Variants in CREBBP observed in about 807,000 individuals in gnomAD.
CREBBP encodes the protein CREB-binding protein.
In CREBBP, 19 loss-of-function variants were observed where a neutral mutation model predicts 265.0. That is an observed-to-expected ratio of 0.07 (90% CI 0.05 to 0.11). The LOEUF (loss-of-function observed/expected upper bound fraction) is 0.11, where lower values mean the gene tolerates loss of function less well. Among genes scored for constraint, CREBBP ranks in the 10% least tolerant of loss-of-function variants. CREBBP has a pLI of 1.00. For synonymous variants in CREBBP, 1,457 were observed against 1,223.7 expected, an observed-to-expected ratio of 1.19 and a Z score of -3.98; for missense variants, 2,525 against 3,219.0, an observed-to-expected ratio of 0.78 and a Z score of 5.22.
intron 16 of CREBBP, among the ~76,000 whole-genome samples, chr16:3,760,391 GTTTTTTTTTTTTTTTTT>G (rs35861892): frequency 1.3e-5 from 1 of 75,944 alleles, no homozygotes; most frequent in African/African-American, 5.0e-5. Context: ...TCATGCCCAG[GTTTTTTTTTTTTTTTTT>G]TTTTTTTTTT....
chr16:3,733,738 T>A (rs1325365405), intron 28 of CREBBP, among the ~76,000 whole-genome samples: 1 of 151,976 alleles, frequency 6.6e-6, no homozygotes, highest in Non-Finnish European at 1.5e-5. Flanking sequence ...GCCTCCCGGG[T>A]TCAAGTGATT....
At chr16:3,836,981 G>C (rs1375716486) in intron 2 of CREBBP, among the ~76,000 whole-genome samples, 1 of 152,208 alleles carries the variant, frequency 6.6e-6, no homozygotes, top group Non-Finnish European at 1.5e-5. Context: ...ATTATGTATA[G>C]TACATAATAG....
intron 3 of CREBBP, among the ~76,000 whole-genome samples, chr16:3,806,968 C>T (rs1475024189): frequency 1.3e-5 from 2 of 152,178 alleles, no homozygotes; most frequent in East Asian, 1.9e-4. Context: ...TCTCTGATGG[C>T]TCCATCTAAA....
chr16:3,772,481 T>C (rs1177435530), intron 13 of CREBBP, among the ~76,000 whole-genome samples: 1 of 152,060 alleles, frequency 6.6e-6, no homozygotes, highest in African/African-American at 2.4e-5. Flanking sequence ...AGAGCAGGGG[T>C]TGGCAATCTC....
chr16:3,838,564 G>C (rs1455157227), intron 2 of CREBBP, among the ~76,000 whole-genome samples: 2 of 152,012 alleles, frequency 1.3e-5, no homozygotes, highest in African/African-American at 4.8e-5. Context: ...CTCCAACTTT[G>C]ACTTTAAAAA....
intron 30 of CREBBP, 128 bp from the exon 31 acceptor site, chr16:3,730,002 G>T: frequency 6.8e-7 from 1 of 1,472,242 alleles, no homozygotes; most frequent in Non-Finnish European, 9.2e-7. Flanking sequence ...AGGAGACCCA[G>T]ACAGGATGCG....
At chr16:3,831,288 C>G (rs1597018827) in intron 2 of CREBBP, among the ~76,000 whole-genome samples, 6 of 152,144 alleles carry the variant, frequency 3.9e-5, no homozygotes, top group Admixed American at 3.9e-4. Flanking sequence ...AAGAATAAAT[C>G]ACATGTAAAA....
At chr16:3,735,755 C>T (rs762041695) in intron 28 of CREBBP, among the ~76,000 whole-genome samples, 29 of 152,194 alleles carry the variant, frequency 1.9e-4, no homozygotes, top group African/African-American at 3.6e-4. Context: ...TTTACATCAG[C>T]GGGTTGTGTC....
At chr16:3,849,403 GT>G (rs370483145) in intron 2 of CREBBP, among the ~76,000 whole-genome samples, 4 of 4,318 alleles carry the variant, frequency 9.3e-4, no homozygotes, top group African/African-American at 1.1e-3. Context: ...GTGTGTGTGT[GT>G]GTGTGTGTGT....
chr16:3,847,239 T>C (rs2054686542), intron 2 of CREBBP, among the ~76,000 whole-genome samples: 1 of 152,232 alleles, frequency 6.6e-6, no homozygotes, highest in African/African-American at 2.4e-5. Context: ...ATTATGTATT[T>C]TAAATCTTTA....
chr16:3,727,355 CAAATAA>C lies in CREBBP; in HGVS notation c.*357_*362del, dbSNP rs1482298527. The C allele has an allele frequency of 1.1e-5, 3 of 268,964 alleles. No individual in the cohort carries two copies. The highest frequency in any genetic ancestry group is 1.4e-5 in the Non-Finnish European group (2 of 140,482). 16.7% of individuals were successfully genotyped at this position (268,964 alleles called of 1,614,324 possible). A position where few individuals can be genotyped will look rare whatever the true frequency, so the allele number is the denominator to read the frequency against. On this transcript the variant is annotated 3_prime_UTR_variant, in exon 31 of 31. Coordinates refer to ENST00000262367, the MANE Select transcript of CREBBP (RefSeq NM_004380.3). ...ATAAATGTTTAAAGTCTTGAAAATA[CAAATAA>C]AAAATATGAATATAATGAACTTGTT... is the stretch of plus-strand genomic sequence containing the variant.
In CREBBP at chr16:3,731,133, C is replaced by T. The variant is rs2151315438; in HGVS notation, c.5172+59G>A. ...CAACCCGGGCACCCATGCAAAGGGA[C>T]AGGATGCTTCGTCAGACCCCAGGCC... On this transcript the variant is annotated intron_variant, in intron 30 of 30. Coordinates refer to ENST00000262367, the MANE Select transcript of CREBBP (RefSeq NM_004380.3). The surrounding 1 kb of genome is among the most constrained non-coding windows in gnomAD (Gnocchi z 7.7). 1 of 1,571,618 alleles carries T rather than the reference C, an allele frequency of 6.4e-7. No individual in the cohort carries two copies.
chr16:3,799,661 G>A (rs529424697), intron 3 of CREBBP, among the ~76,000 whole-genome samples: 10 of 152,278 alleles, frequency 6.6e-5, no homozygotes, highest in African/African-American at 2.2e-4. Context: ...AATTCTAAAT[G>A]TCTATTAAAG....
intron 2 of CREBBP, among the ~76,000 whole-genome samples, chr16:3,835,869 C>T (rs1007937428): frequency 4.6e-5 from 7 of 151,558 alleles, no homozygotes; most frequent in Non-Finnish European, 7.4e-5. Context: ...TGTGAGCCAC[C>T]GCGCCCGGCA....
chr16:3,739,874 G>A (rs2052158894), intron 24 of CREBBP, 150 bp from the exon 25 acceptor site: 6 of 1,038,312 alleles, frequency 5.8e-6, no homozygotes, highest in South Asian at 4.0e-5. Flanking sequence ...CTCCCTATGG[G>A]CCAGTCAGCC....
intron 1 of CREBBP, among the ~76,000 whole-genome samples, chr16:3,868,185 G>A (rs1199706199): frequency 2.0e-5 from 3 of 152,144 alleles, no homozygotes; most frequent in African/African-American, 7.2e-5. Context: ...AAACAGACAG[G>A]AGGAAGAGTT....
intron 16 of CREBBP, chr16:3,761,532 T>C (rs546120860): frequency 1.7e-4 from 86 of 518,278 alleles, no homozygotes; most frequent in Non-Finnish European, 3.1e-4. Flanking sequence ...ACCAAGAACA[T>C]GCCTCAGGGC....
chr16:3,746,068 G>T (rs2052334947), intron 21 of CREBBP, among the ~76,000 whole-genome samples: 1 of 152,188 alleles, frequency 6.6e-6, no homozygotes. Context: ...TAAATGCCAA[G>T]ATGACATTTT....
At position 3,879,951 on chromosome 16, in the gene CREBBP, G is replaced by C; in HGVS notation, c.-35C>G. ...CTCGCGAAAACAGCCCCGGGCACGG[G>C]CGGCCGGGCCGGCGAGGGCCCGGAC... On this transcript the variant is annotated 5_prime_UTR_variant, in exon 1 of 31. Coordinates refer to ENST00000262367, the MANE Select transcript of CREBBP (RefSeq NM_004380.3). 6.3e-7 allele frequency: 1 copy of C among 1,595,526 alleles called. No individual in the cohort carries two copies. Among genetic ancestry groups the C allele is most frequent in the Non-Finnish European group, 8.5e-7 (1 of 1,170,600 alleles).
Sources: allele counts gnomAD v4.1 joint callset (sites outside exome capture counted in the v4.1 genomes callset), GRCh38; gene constraint gnomAD v4.1.1; non-coding constraint Gnocchi (gnomAD v3.1); transcripts MANE v1.5; gene names NCBI Gene and HGNC (gene_info 2026-07-23, HGNC 2026-07-21).